Variants in PTPRD observed in about 807,000 individuals in gnomAD.
PTPRD encodes the protein receptor-type tyrosine-protein phosphatase delta.
Under a neutral mutation model 214.5 loss-of-function variants are expected in PTPRD, and 34 were observed. The observed-to-expected ratio is 0.16, with a 90% CI of 0.12 to 0.21. The LOEUF is 0.21. Ranked by LOEUF, PTPRD falls within the 10% of genes least tolerant of loss-of-function variation. The pLI is 1.00. For missense variants in PTPRD, 2,545 were observed against 2,398.7 expected (o/e 1.06, Z -1.27); for synonymous variants, 1,128 against 845.7 (o/e 1.33, Z -5.79).
chr9:8,989,310 C>A (rs1239860508), intron 11 of PTPRD, among the ~76,000 whole-genome samples: 1 of 152,012 alleles, frequency 6.6e-6, no homozygotes, highest in African/African-American at 2.4e-5. Flanking sequence ...TAGAACTGAT[C>A]CCCTCTAACT....
chr9:8,718,039 A>T (rs937244028), intron 12 of PTPRD, among the ~76,000 whole-genome samples: 1 of 152,240 alleles, frequency 6.6e-6, no homozygotes, highest in African/African-American at 2.4e-5. Context: ...GTGGATGAAG[A>T]CAGCAGAAAA....
chr9:9,393,531 A>T (rs1415938685), intron 9 of PTPRD, among the ~76,000 whole-genome samples: 1 of 152,176 alleles, frequency 6.6e-6, no homozygotes, highest in African/African-American at 2.4e-5. Context: ...ATCCCTATTG[A>T]CACTTATTGG....
In PTPRD at chr9:9,383,950, A is replaced by T. The variant is rs949132679; in HGVS notation, c.-203+13499T>A. On this transcript the variant is annotated intron_variant, in intron 9 of 45. Coordinates refer to ENST00000381196, the MANE Select transcript of PTPRD (RefSeq NM_002839.4). ...ATGCTTGTTCCAGAAGTGATATCTA[A>T]CCCTGCTCAGTATATTGACCAGAAC... Among the ~76,000 whole-genome samples, 4 of 151,968 alleles carry T rather than the reference A, an allele frequency of 2.6e-5. No individual in the cohort carries two copies. In the Admixed American group the frequency reaches 2.6e-4, roughly 10 times the overall value.
intron 5 of PTPRD, among the ~76,000 whole-genome samples, chr9:9,917,472 A>AAATTAAT (rs2081268034): frequency 6.9e-6 from 1 of 143,940 alleles, no homozygotes; most frequent in Non-Finnish European, 1.5e-5. Context: ...AAAAAAAAAA[A>AAATTAAT]TCCAGGACCA....
rs185599624 is a variant in PTPRD, at chr9:10,474,245, G to A, written c.-599-133228C>T. 2.9e-4 allele frequency among the ~76,000 whole-genome samples: 44 copies of A among 151,142 alleles called. 1 individual carries two copies. Among genetic ancestry groups the A allele is most frequent in the African/African-American group, 1.0e-3 (41 of 41,188 alleles). Reference sequence around the variant, plus strand: ...GCTGTATTCAGGAGACCCATCTCACGTTCAAAGACATACATAGGCTCAAAA... The same window carrying A: ...GCTGTATTCAGGAGACCCATCTCACATTCAAAGACATACATAGGCTCAAAA... On this transcript the variant is annotated intron_variant, in intron 2 of 45. Coordinates refer to ENST00000381196, the MANE Select transcript of PTPRD (RefSeq NM_002839.4).
rs1598366412 is a variant in PTPRD at position 8,736,989 on chromosome 9, A to T, written c.-103-3043T>A. 3.3e-5 allele frequency among the ~76,000 whole-genome samples: 5 copies of T among 152,312 alleles called. No homozygotes were observed. The South Asian group carries it at 1.0e-3, about 32-fold the overall frequency. On this transcript the variant is annotated intron_variant, in intron 11 of 45. Transcript: ENST00000381196. ...ATGACAGCAAAGTCCAGGAGACATCAGTCCTGTCGGACTCAATTTGTGTCT... is the reference window on the plus strand; with the variant it reads ...ATGACAGCAAAGTCCAGGAGACATCTGTCCTGTCGGACTCAATTTGTGTCT...
At chr9:9,481,187 A>T (rs1009957353) in intron 8 of PTPRD, among the ~76,000 whole-genome samples, 1 of 152,146 alleles carries the variant, frequency 6.6e-6, no homozygotes, top group Non-Finnish European at 1.5e-5. Flanking sequence ...GTAGACACTA[A>T]GGAAAATAAT....
intron 3 of PTPRD, among the ~76,000 whole-genome samples, chr9:10,231,130 G>C (rs1369670284): frequency 6.6e-6 from 1 of 151,902 alleles, no homozygotes; most frequent in Non-Finnish European, 1.5e-5. Flanking sequence ...TTCCTATAAA[G>C]ATAAATTATA....
At chr9:10,090,913 GAA>G in intron 3 of PTPRD, among the ~76,000 whole-genome samples, 1 of 83,906 alleles carries the variant, frequency 1.2e-5, no homozygotes, top group African/African-American at 5.0e-5. Context: ...GTATATAAAT[GAA>G]ATATACACAC....
intron 12 of PTPRD, among the ~76,000 whole-genome samples, chr9:8,721,744 T>C (rs984294891): frequency 1.4e-4 from 21 of 152,226 alleles, no homozygotes; most frequent in Non-Finnish European, 2.8e-4. Flanking sequence ...GGCAATCTGC[T>C]TCTGGTTTTA....
intron 3 of PTPRD, among the ~76,000 whole-genome samples, chr9:10,311,411 G>C (rs931697454): frequency 6.6e-6 from 1 of 151,960 alleles, no homozygotes; most frequent in African/African-American, 2.4e-5. Context: ...ATAAGTATTA[G>C]TTTTGGCTTC....
chr9:10,383,562 T>A (rs2097858945), intron 2 of PTPRD, among the ~76,000 whole-genome samples: 1 of 151,894 alleles, frequency 6.6e-6, no homozygotes, highest in Non-Finnish European at 1.5e-5. Context: ...GTTCTTATTT[T>A]AACTCACTTT....
chr9:8,929,794 T>G (rs1488745218), intron 11 of PTPRD, among the ~76,000 whole-genome samples: 2 of 116,048 alleles, frequency 1.7e-5, no homozygotes, highest in Admixed American at 9.7e-5. Context: ...TGTATATATG[T>G]GTGTGTATAT....
chr9:8,537,931 A>G (rs1310551479), intron 14 of PTPRD, among the ~76,000 whole-genome samples: 1 of 152,052 alleles, frequency 6.6e-6, no homozygotes, highest in Non-Finnish European at 1.5e-5. Context: ...TACTGTTATT[A>G]GTGCTCGGCC....
At chr9:9,125,820 G>C (rs899502674) in intron 10 of PTPRD, among the ~76,000 whole-genome samples, 3 of 152,136 alleles carry the variant, frequency 2.0e-5, no homozygotes, top group African/African-American at 7.2e-5. Context: ...CAAATAAAGA[G>C]TATCATCAAA....
At chr9:10,268,601 T>A (rs895792315) in intron 3 of PTPRD, among the ~76,000 whole-genome samples, 33 of 152,124 alleles carry the variant, frequency 2.2e-4, no homozygotes, top group African/African-American at 8.0e-4. Context: ...ATCATAAGTT[T>A]GTATTTCTCC....
intron 2 of PTPRD, among the ~76,000 whole-genome samples, chr9:10,547,886 T>C (rs833456): frequency 6.6e-6 from 1 of 152,080 alleles, no homozygotes; most frequent in Admixed American, 6.6e-5. Flanking sequence ...TTGGTTGGGA[T>C]CGTGTTTTAA....
In PTPRD at chr9:8,528,647, T is replaced by G; in HGVS notation, c.485A>C (p.Asp162Ala). The G allele has an allele frequency of 6.2e-7, 1 of 1,613,682 alleles. No homozygotes were observed. ...NPDPEITWFKDFLPVDTSNNN... is the reference protein window; with the variant it reads ...NPDPEITWFKAFLPVDTSNNN... ...GTTGCTTGTGTCCACAGGTAAGAAA[T>G]CTTTAAACCAAGTGATTTCTGGATC... The change falls in exon 15 of 46, where the codon GAT (aspartate) becomes GCT (alanine). Residue 162 changes from aspartate to alanine, a missense_variant. Transcript: ENST00000381196.
At chr9:10,364,800 T>C (rs1041272513) in intron 2 of PTPRD, among the ~76,000 whole-genome samples, 3 of 152,186 alleles carry the variant, frequency 2.0e-5, no homozygotes, top group Admixed American at 1.3e-4. Flanking sequence ...AGCTAATCTA[T>C]TATCTCTATT....
Sources: allele counts gnomAD v4.1 joint callset (sites outside exome capture counted in the v4.1 genomes callset), GRCh38; gene constraint gnomAD v4.1.1; transcripts MANE v1.5; gene names NCBI Gene and HGNC (gene_info 2026-07-23, HGNC 2026-07-21).